The following CEP128 variants were observed in gnomAD, a reference collection of about 807,000 sequenced individuals.
CEP128 encodes centrosomal protein 128kDa.
In CEP128, 132 loss-of-function variants were observed where a neutral mutation model predicts 156.7. The ratio of observed to expected loss-of-function variants is 0.84; its 90% CI spans 0.73 to 0.97. The LOEUF (loss-of-function observed/expected upper bound fraction) is 0.97, where lower values mean the gene tolerates loss of function less well. Among genes scored for constraint, CEP128 ranks in the 50% least tolerant of loss-of-function variants. CEP128 has a pLI of 0.00. For synonymous variants in CEP128, 469 were observed against 448.9 expected (o/e 1.04, Z -0.57); for missense variants, 1,252 against 1,281.9 (o/e 0.98, Z 0.36).
At chr14:80,719,293 C>A (rs2139451188) in intron 19 of CEP128, among the ~76,000 whole-genome samples, 1 of 152,292 alleles carries the variant, frequency 6.6e-6, no homozygotes, top group South Asian at 2.1e-4. Flanking sequence ...AGAGCCCATT[C>A]TTTGGACTCA....
At chr14:80,791,685 G>A (rs997579669) in intron 14 of CEP128, among the ~76,000 whole-genome samples, 1 of 152,062 alleles carries the variant, frequency 6.6e-6, no homozygotes, top group African/African-American at 2.4e-5. Flanking sequence ...CTTTACTTCA[G>A]GGCAACCAGC....
intron 19 of CEP128, among the ~76,000 whole-genome samples, chr14:80,657,955 A>C (rs1895244542): frequency 6.6e-6 from 1 of 152,168 alleles, no homozygotes; most frequent in Non-Finnish European, 1.5e-5. Flanking sequence ...ACGTAAACCA[A>C]GTTTAAATTC....
rs117627347 is a variant in CEP128, at chr14:80,556,288, G to T, written c.2880+2991C>A. Among the ~76,000 whole-genome samples, 456 of 152,234 alleles carry T rather than the reference G, an allele frequency of 3.0e-3. 1 individual carries two copies. Among genetic ancestry groups the T allele is most frequent in the Admixed American group, 4.7e-3 (72 of 15,286 alleles). ...TCTAGGAAATAAAGAATACATTGCC[G>T]TGCTTCTGGGGAATTTCTCACAACT... is the stretch of plus-strand genomic sequence containing the variant. On this transcript the variant is annotated intron_variant, in intron 21 of 24. Coordinates refer to ENST00000555265, the MANE Select transcript of CEP128 (RefSeq NM_152446.5).
intron 19 of CEP128, among the ~76,000 whole-genome samples, chr14:80,661,276 T>A (rs1451228886): frequency 6.6e-6 from 1 of 152,174 alleles, no homozygotes; most frequent in African/African-American, 2.4e-5. Flanking sequence ...TGGCATTATT[T>A]GAATGTTTAA....
At chr14:80,848,311 T>C (rs1318629492) in intron 9 of CEP128, among the ~76,000 whole-genome samples, 1 of 152,110 alleles carries the variant, frequency 6.6e-6, no homozygotes, top group Non-Finnish European at 1.5e-5. Context: ...GGTATATCCA[T>C]GGAAAAGCAA....
intron 13 of CEP128, among the ~76,000 whole-genome samples, chr14:80,811,693 GTGTGTGTGTGTT>G (rs1470316756): frequency 1.3e-5 from 2 of 149,006 alleles, no homozygotes; most frequent in African/African-American, 5.2e-5. Flanking sequence ...GTGTGTGTGT[GTGTGTGTGTGTT>G]TGAGAGTGTG....
At chr14:80,706,698 C>T (rs185379068) in intron 19 of CEP128, among the ~76,000 whole-genome samples, 105 of 152,202 alleles carry the variant, frequency 6.9e-4, no homozygotes, top group Non-Finnish European at 1.2e-3. Context: ...AAAGTTGGAG[C>T]TTTCAATCAT....
chr14:80,836,202 T>C lies in CEP128; in HGVS notation c.1057+3A>G, dbSNP rs374083297. On this transcript the variant is annotated splice_donor_region_variant and intron_variant, in intron 12 of 24. Transcript: ENST00000555265. ...ACATTATTAGGTACAAATCTACTTT[T>C]ACCTCTCCTAAATCTCCAGTCCTCC... The C allele has an allele frequency of 3.0e-5, 48 of 1,613,776 alleles. No homozygotes were observed. Among genetic ancestry groups the C allele is most frequent in the Non-Finnish European group, 4.0e-5 (47 of 1,179,878 alleles).
At chr14:80,512,170 G>C (rs1888290309) in intron 23 of CEP128, among the ~76,000 whole-genome samples, 1 of 152,004 alleles carries the variant, frequency 6.6e-6, no homozygotes, top group Non-Finnish European at 1.5e-5. Flanking sequence ...AAAGTGGGCT[G>C]TTGAAGTCTT....
chr14:80,773,455 G>T (rs906830098), intron 16 of CEP128, among the ~76,000 whole-genome samples: 2 of 152,024 alleles, frequency 1.3e-5, no homozygotes, highest in African/African-American at 4.8e-5. Flanking sequence ...TCAATTTTCA[G>T]TGTCAGCTAT....
intron 13 of CEP128, among the ~76,000 whole-genome samples, chr14:80,800,613 A>G (rs1315780774): frequency 1.3e-5 from 2 of 152,214 alleles, no homozygotes; most frequent in Non-Finnish European, 2.9e-5. Flanking sequence ...TCTAGACAAG[A>G]GGAACTCCTG....
chr14:80,890,849 T>C (rs1163669916), intron 8 of CEP128, among the ~76,000 whole-genome samples: 1 of 151,772 alleles, frequency 6.6e-6, no homozygotes, highest in Non-Finnish European at 1.5e-5. Context: ...CAAACAACTC[T>C]ATAGGAAAAG....
intron 20 of CEP128, among the ~76,000 whole-genome samples, chr14:80,572,918 C>G (rs570768009): frequency 6.6e-6 from 1 of 151,992 alleles, no homozygotes; most frequent in Non-Finnish European, 1.5e-5. Context: ...ACACCCAGGT[C>G]ACTGTTTTTT....
intron 17 of CEP128, among the ~76,000 whole-genome samples, chr14:80,758,382 C>T (rs1171417569): frequency 1.3e-5 from 2 of 151,946 alleles, no homozygotes; most frequent in African/African-American, 2.4e-5. Context: ...ATTAGCCGGG[C>T]GTGGTGGCGC....
intron 20 of CEP128, among the ~76,000 whole-genome samples, chr14:80,560,183 T>C (rs1013644738): frequency 2.6e-5 from 4 of 152,282 alleles, no homozygotes; most frequent in African/African-American, 9.6e-5. Context: ...CCCAGCACTT[T>C]GGGAGGCTCA....
chr14:80,914,473 A>T (rs1884434222), intron 3 of CEP128, 65 bp from the exon 4 acceptor site: 2 of 1,195,034 alleles, frequency 1.7e-6, no homozygotes, highest in South Asian at 1.2e-5. Flanking sequence ...CAATCTTAGT[A>T]GTATGTCAAT....
intron 9 of CEP128, among the ~76,000 whole-genome samples, chr14:80,860,280 CTTATA>C (rs1360374980): frequency 6.6e-6 from 1 of 152,114 alleles, no homozygotes; most frequent in Non-Finnish European, 1.5e-5. Context: ...TAGGTCACTG[CTTATA>C]TTAAAGTAAC....
At chr14:80,687,694 T>C (rs1216421538) in intron 19 of CEP128, among the ~76,000 whole-genome samples, 1 of 152,044 alleles carries the variant, frequency 6.6e-6, no homozygotes, top group Non-Finnish European at 1.5e-5. Flanking sequence ...AATATAGCCA[T>C]GCAATAAAAG....
chr14:80,871,323 G>A (rs1404815688), intron 8 of CEP128, among the ~76,000 whole-genome samples: 3 of 152,134 alleles, frequency 2.0e-5, no homozygotes, highest in Non-Finnish European at 4.4e-5. Context: ...GGATGCCACT[G>A]CAGTAAACCC....
Sources: gnomAD v4.1 joint callset for allele counts (sites outside exome capture counted in the v4.1 genomes callset) on GRCh38, gnomAD v4.1.1 for gene constraint, MANE v1.5 for transcripts, NCBI Gene and HGNC (gene_info 2026-07-23, HGNC 2026-07-21) for gene names.